The following DIAPH2 variants were observed in gnomAD, a reference collection of about 807,000 sequenced individuals.
The protein encoded by DIAPH2 is protein diaphanous homolog 2.
DIAPH2 carries 35 observed loss-of-function variants against 92.7 expected under a neutral mutation model. The ratio of observed to expected loss-of-function variants is 0.38; its 90% CI spans 0.29 to 0.50. The LOEUF is 0.50. Ranked by LOEUF, DIAPH2 falls within the 20% of genes least tolerant of loss-of-function variation. The probability of loss-of-function intolerance (pLI) is 0.94; values close to 1 mark genes in which losing one functional copy is unlikely to be tolerated. For synonymous variants in DIAPH2, 301 were observed against 280.4 expected (o/e 1.07, Z -0.73); for missense variants, 701 against 819.5 (o/e 0.86, Z 1.77).
chrX:96,982,003 C>G (rs940808862), intron 17 of DIAPH2, among the ~76,000 whole-genome samples: 2 of 111,504 alleles, frequency 1.8e-5, no homozygotes, highest in Non-Finnish European at 3.8e-5. Context: ...AAAAATGTAC[C>G]CACAAAAGAC....
chrX:96,930,855 G>A lies in DIAPH2; in HGVS notation c.1089+12G>A. 1 of 1,164,315 alleles carries A rather than the reference G, an allele frequency of 8.6e-7. No homozygotes were observed. On this transcript the variant is annotated intron_variant, in intron 10 of 26. Transcript: ENST00000324765. ...AAACAATGTTACCAGTAAGTTGAAT[G>A]TATACATTTATTATGCTGATGAATT...
At chrX:97,088,456 G>A (rs143303715) in intron 19 of DIAPH2, among the ~76,000 whole-genome samples, 52 of 111,818 alleles carry the variant, frequency 4.7e-4, no homozygotes, top group African/African-American at 1.6e-3. Flanking sequence ...TCTTTGTATT[G>A]GTCATTCTTT....
intron 25 of DIAPH2, among the ~76,000 whole-genome samples, chrX:97,414,967 G>A (rs1324673011): frequency 9.0e-6 from 1 of 111,246 alleles, no homozygotes; most frequent in Admixed American, 9.5e-5. Flanking sequence ...TCTGACAAAG[G>A]GCTAACATCC....
intron 26 of DIAPH2, among the ~76,000 whole-genome samples, chrX:97,464,295 A>C (rs2070488740): frequency 1.7e-5 from 1 of 57,524 alleles, no homozygotes; most frequent in Non-Finnish European, 3.4e-5. Flanking sequence ...CCCCATCTCT[A>C]CTAAAAAAAA....
chrX:96,998,141 C>T (rs1187493042), intron 17 of DIAPH2, among the ~76,000 whole-genome samples: 1 of 111,720 alleles, frequency 9.0e-6, no homozygotes. Flanking sequence ...TGATATAACT[C>T]GTGTATTTTG....
chrX:97,331,223 GAAAGA>G (rs1569364428), intron 23 of DIAPH2, among the ~76,000 whole-genome samples: 1 of 111,608 alleles, frequency 9.0e-6, no homozygotes, highest in African/African-American at 3.3e-5. Flanking sequence ...TCTAACAAAG[GAAAGA>G]AAAGAAAAGA....
At position 97,551,515 on chromosome X, in the gene DIAPH2, G is replaced by A. The variant is rs1467302022; in HGVS notation, c.3242-47738G>A. 3.7e-5 allele frequency among the ~76,000 whole-genome samples: 4 copies of A among 108,664 alleles called. No homozygotes were observed. In the Admixed American group the frequency reaches 4.0e-4, roughly 11 times the overall value. The allele number at this position is 108,664 out of a possible 115,157, so 94.4% of individuals were successfully genotyped here. On this transcript the variant is annotated intron_variant, in intron 26 of 26. Transcript: ENST00000324765. ...TGAGTTGGGAGAATTGCTTGAACCC[G>A]GGAGGTGGAGGTTGTAGTGAGCCGA... is the stretch of plus-strand genomic sequence containing the variant.
At chrX:97,184,762 G>C (rs2067566652) in intron 22 of DIAPH2, among the ~76,000 whole-genome samples, 1 of 111,718 alleles carries the variant, frequency 9.0e-6, no homozygotes, top group Non-Finnish European at 1.9e-5. Flanking sequence ...TAGCAGATTG[G>C]AATATGGTAG....
intron 26 of DIAPH2, among the ~76,000 whole-genome samples, chrX:97,491,787 T>G: frequency 8.9e-6 from 1 of 112,339 alleles, no homozygotes; most frequent in East Asian, 2.8e-4. Flanking sequence ...TTTGTCCCTG[T>G]TTTCCTCTCT....
chrX:96,970,960 T>A (rs774176790), intron 17 of DIAPH2, among the ~76,000 whole-genome samples: 261 of 112,259 alleles, frequency 2.3e-3, no homozygotes, highest in African/African-American at 8.0e-3. Context: ...TCCAAAAAAA[T>A]TTTTATTTTC....
At chrX:97,258,247 A>G (rs2068254401) in intron 23 of DIAPH2, among the ~76,000 whole-genome samples, 1 of 112,057 alleles carries the variant, frequency 8.9e-6, no homozygotes, top group South Asian at 3.7e-4. Context: ...TTTATGAATG[A>G]TGACATTCTA....
In DIAPH2 at chrX:97,200,658, G is replaced by T. The variant is rs140603079; in HGVS notation, c.2720-47057G>T. ...GAAGGAAATGCCACAGCCCCAGTCA[G>T]GGGCTTACAGATAAAACTCTCATCT... On this transcript the variant is annotated intron_variant, in intron 22 of 26. Coordinates refer to ENST00000324765, the MANE Select transcript of DIAPH2 (RefSeq NM_006729.5). Among the ~76,000 whole-genome samples the T allele has an allele frequency of 4.2e-3, 471 of 112,043 alleles. 4 individuals carry two copies. The highest frequency in any genetic ancestry group is 0.015 in the African/African-American group (448 of 30,873).
At chrX:97,421,624 G>T (rs182012166) in intron 25 of DIAPH2, among the ~76,000 whole-genome samples, 365 of 111,818 alleles carry the variant, frequency 3.3e-3, no homozygotes, top group African/African-American at 0.011. Flanking sequence ...CCATCTGACT[G>T]TACCTAGAGT....
At chrX:97,510,990 T>C (rs1435544533) in intron 26 of DIAPH2, among the ~76,000 whole-genome samples, 4 of 109,306 alleles carry the variant, frequency 3.7e-5, no homozygotes, top group Non-Finnish European at 5.8e-5. Flanking sequence ...CTTGGCAATG[T>C]GGGCTCTTTT....
At chrX:97,023,111 T>C (rs1415131399) in intron 17 of DIAPH2, among the ~76,000 whole-genome samples, 1 of 112,156 alleles carries the variant, frequency 8.9e-6, no homozygotes, top group East Asian at 2.8e-4. Context: ...CATCTAGACA[T>C]TTATTTGATA....
At chrX:97,473,802 A>G (rs2070583144) in intron 26 of DIAPH2, among the ~76,000 whole-genome samples, 1 of 111,243 alleles carries the variant, frequency 9.0e-6, no homozygotes, top group East Asian at 2.9e-4. Context: ...TGTACTAAAA[A>G]TACAAAAATT....
intron 23 of DIAPH2, among the ~76,000 whole-genome samples, chrX:97,313,565 C>G (rs981251513): frequency 2.7e-5 from 3 of 111,551 alleles, no homozygotes; most frequent in African/African-American, 6.5e-5. Flanking sequence ...TTGGTACATA[C>G]AATTTGGAAA....
At chrX:97,178,807 G>A (rs1404048468) in intron 22 of DIAPH2, among the ~76,000 whole-genome samples, 1 of 111,270 alleles carries the variant, frequency 9.0e-6, no homozygotes, top group Non-Finnish European at 1.9e-5. Flanking sequence ...GGTCCTGAGG[G>A]CAGAGCCGTT....
chrX:96,975,853 G>T (rs1431208002), intron 17 of DIAPH2, among the ~76,000 whole-genome samples: 1 of 111,265 alleles, frequency 9.0e-6, no homozygotes, highest in Middle Eastern at 4.2e-3. Flanking sequence ...CTCTGCCCTC[G>T]TGACATAATC....
Sources: allele counts gnomAD v4.1 joint callset (sites outside exome capture counted in the v4.1 genomes callset), GRCh38; gene constraint gnomAD v4.1.1; transcripts MANE v1.5; gene names NCBI Gene and HGNC (gene_info 2026-07-23, HGNC 2026-07-21).